The following RGS12 variants were observed in gnomAD, a reference collection of about 807,000 sequenced individuals.
RGS12 encodes the protein regulator of G-protein signaling 12.
RGS12 carries 66 observed loss-of-function variants against 120.1 expected under a neutral mutation model. The observed-to-expected ratio is 0.55, with a 90% CI of 0.45 to 0.67. The LOEUF is 0.67. RGS12 is among the 30% of genes least tolerant of loss of function. RGS12 has a pLI of 0.00. For synonymous variants in RGS12, 827 were observed against 804.7 expected (o/e 1.03, Z -0.47); for missense variants, 1,859 against 1,957.7 (o/e 0.95, Z 0.95).
intron 2 of RGS12, 26 bp downstream of exon 2, chr4:3,318,077 G>C (rs773827760): frequency 1.3e-6 from 2 of 1,564,644 alleles, no homozygotes; most frequent in African/African-American, 2.7e-5. Context: ...GCCACTCAGC[G>C]CGGAGGCCCG....
intron 3 of RGS12, among the ~76,000 whole-genome samples, chr4:3,363,901 T>C (rs1716006961): frequency 6.6e-6 from 1 of 150,598 alleles, no homozygotes; most frequent in Non-Finnish European, 1.5e-5. Flanking sequence ...CGGGGGAAGC[T>C]GGGGAAGGGC....
At chr4:3,307,996 C>T (rs1000204936) in intron 1 of RGS12, among the ~76,000 whole-genome samples, 1 of 152,246 alleles carries the variant, frequency 6.6e-6, no homozygotes, top group Non-Finnish European at 1.5e-5. Flanking sequence ...GCAGAGGAAG[C>T]GTGCAGGGGC....
chr4:3,434,731 T>C (rs1724648443), intron 17 of RGS12, among the ~76,000 whole-genome samples: 1 of 152,242 alleles, frequency 6.6e-6, no homozygotes, highest in Non-Finnish European at 1.5e-5. Flanking sequence ...ACGCGCCATC[T>C]TAAAACGGGT....
intron 3 of RGS12, among the ~76,000 whole-genome samples, chr4:3,363,262 C>T (rs1038434774): frequency 6.6e-6 from 1 of 152,116 alleles, no homozygotes; most frequent in East Asian, 1.9e-4. Flanking sequence ...GGAATTATTT[C>T]TGCAAAGTGG....
At chr4:3,325,125 G>A (rs1725473930) in intron 2 of RGS12, among the ~76,000 whole-genome samples, 1 of 152,156 alleles carries the variant, frequency 6.6e-6, no homozygotes, top group African/African-American at 2.4e-5. Flanking sequence ...AATAGAGAGT[G>A]GGAATTTTCT....
chr4:3,289,393 G>A (rs185263775), upstream of RGS12, among the ~76,000 whole-genome samples: 32 of 152,000 alleles, frequency 2.1e-4, no homozygotes, highest in South Asian at 3.3e-3. Flanking sequence ...TGGTAGAGAC[G>A]GGGTTTCACT....
At chr4:3,320,191 G>C (rs1725082813) in intron 2 of RGS12, among the ~76,000 whole-genome samples, 1 of 152,256 alleles carries the variant, frequency 6.6e-6, no homozygotes, top group Non-Finnish European at 1.5e-5. Flanking sequence ...ATAATTGGCA[G>C]TGGTGCTTAT....
intron 3 of RGS12, among the ~76,000 whole-genome samples, chr4:3,368,381 G>T (rs921409022): frequency 6.7e-6 from 1 of 148,292 alleles, no homozygotes; most frequent in Admixed American, 6.7e-5. Flanking sequence ...GCCTGTGTGT[G>T]GGTGCCTGTG....
chr4:3,431,201 G>C (rs900112500), intron 17 of RGS12: 72 of 1,377,352 alleles, frequency 5.2e-5, no homozygotes, highest in Non-Finnish European at 6.3e-5. Context: ...TGTCCTGAGA[G>C]GCTCTTGCAG....
At chr4:3,403,967 T>G (rs1208416070) in intron 4 of RGS12, among the ~76,000 whole-genome samples, 1 of 151,754 alleles carries the variant, frequency 6.6e-6, no homozygotes, top group Non-Finnish European at 1.5e-5. Context: ...GCTAAGGGAG[T>G]AAGGAGGGGG....
rs73079020 is a variant in RGS12 at position 3,424,932 on chromosome 4, C to T, written c.3235-532C>T. On this transcript the variant is annotated intron_variant, in intron 13 of 17. Transcript: ENST00000336727. ...GGACAGCTGTCATTCCCCTGACTGA[C>T]AGATCGTGAATGCCAAACATGTTCA... Among the ~76,000 whole-genome samples, 925 of 152,352 alleles carry T rather than the reference C, an allele frequency of 6.1e-3. 4 individuals are homozygous for T. Among genetic ancestry groups the T allele is most frequent in the African/African-American group, 0.021 (875 of 41,582 alleles).
intron 3 of RGS12, among the ~76,000 whole-genome samples, chr4:3,363,118 T>G (rs895782803): frequency 7.5e-5 from 11 of 146,760 alleles, no homozygotes; most frequent in African/African-American, 2.8e-4. Context: ...TGTGTGAGAG[T>G]GCGCATCAGT....
intron 17 of RGS12, 23 bp downstream of exon 17, chr4:3,430,978 C>T: frequency 1.2e-6 from 2 of 1,604,804 alleles, no homozygotes; most frequent in South Asian, 1.1e-5. Context: ...TCTGATCCCT[C>T]CACCTTGGCC....
chr4:3,411,578 A>G (rs1286670160), intron 4 of RGS12, among the ~76,000 whole-genome samples: 3 of 152,232 alleles, frequency 2.0e-5, no homozygotes, highest in Admixed American at 2.0e-4. Flanking sequence ...TATCGGCGTG[A>G]TATGTCCATT....
chr4:3,288,743 C>T (rs540585003), upstream of RGS12, among the ~76,000 whole-genome samples: 12 of 152,158 alleles, frequency 7.9e-5, no homozygotes, highest in African/African-American at 2.9e-4. This position sits in a 1 kb window ranked among gnomAD's most constrained non-coding sequence, Gnocchi z 5.2. Flanking sequence ...CAAAGGGATC[C>T]GGTCCCCGTG....
chr4:3,410,776 T>C (rs1721650395), intron 4 of RGS12, among the ~76,000 whole-genome samples: 1 of 152,226 alleles, frequency 6.6e-6, no homozygotes, highest in South Asian at 2.1e-4. Flanking sequence ...ATGAGGCCAG[T>C]GAACCTACGA....
the RGS12 span, among the ~76,000 whole-genome samples, chr4:3,286,591 G>A: frequency 6.6e-6 from 1 of 152,240 alleles, no homozygotes; most frequent in Admixed American, 6.5e-5. Flanking sequence ...TGTGCTGGGG[G>A]CTGCGGTGTG....
intron 3 of RGS12, among the ~76,000 whole-genome samples, chr4:3,370,560 C>T (rs1018024088): frequency 6.6e-5 from 10 of 152,250 alleles, no homozygotes; most frequent in African/African-American, 2.4e-4. Context: ...GCCTCAACCC[C>T]TCGGGAGCCC....
At chr4:3,356,404 T>G (rs1280358753) in intron 3 of RGS12, among the ~76,000 whole-genome samples, 1 of 152,128 alleles carries the variant, frequency 6.6e-6, no homozygotes, top group Non-Finnish European at 1.5e-5. Flanking sequence ...AATTTATTAT[T>G]TTAACCATTT....
Sources: gnomAD v4.1 joint callset for allele counts (sites outside exome capture counted in the v4.1 genomes callset) on GRCh38, gnomAD v4.1.1 for gene constraint, Gnocchi (gnomAD v3.1) non-coding constraint, MANE v1.5 for transcripts, NCBI Gene and HGNC (gene_info 2026-07-23, HGNC 2026-07-21) for gene names.